Variants in RYR3 observed in about 807,000 individuals in gnomAD.
RYR3 encodes the protein brain ryanodine receptor-calcium release channel.
RYR3 carries 207 observed loss-of-function variants against 584.3 expected under a neutral mutation model. The observed-to-expected ratio is 0.35, with a 90% CI of 0.32 to 0.40. The LOEUF (loss-of-function observed/expected upper bound fraction) is 0.40. Ranked by LOEUF, RYR3 falls within the 10% of genes least tolerant of loss-of-function variation. RYR3 has a pLI of 1.00. For synonymous variants in RYR3, 2,416 were observed against 2,248.5 expected (o/e 1.07, Z -2.11); for missense variants, 5,616 against 6,089.2 (o/e 0.92, Z 2.59).
chr15:33,783,818 T>C (rs2074539521), intron 65 of RYR3, among the ~76,000 whole-genome samples: 1 of 152,208 alleles, frequency 6.6e-6, no homozygotes, highest in Non-Finnish European at 1.5e-5. Context: ...TTGTTACCCA[T>C]GGCCATTGTT....
intron 5 of RYR3, among the ~76,000 whole-genome samples, chr15:33,533,755 G>A (rs566948857): frequency 6.6e-6 from 1 of 152,254 alleles, no homozygotes; most frequent in South Asian, 2.1e-4. Context: ...GAAATATAGT[G>A]TCTAGATCAA....
intron 19 of RYR3, among the ~76,000 whole-genome samples, chr15:33,619,647 T>C (rs2060617203): frequency 6.6e-6 from 1 of 152,224 alleles, no homozygotes; most frequent in African/African-American, 2.4e-5. Flanking sequence ...GAAAGTTCTA[T>C]CTATTTGAAT....
chr15:33,623,555 A>C (rs2060834128), intron 19 of RYR3, among the ~76,000 whole-genome samples: 1 of 152,182 alleles, frequency 6.6e-6, no homozygotes, highest in African/African-American at 2.4e-5. Context: ...CTAAAAACCT[A>C]GTGGTTTATG....
chr15:33,700,905 C>T (rs151063947), intron 41 of RYR3, 72 bp from the exon 42 acceptor site: 10,842 of 1,055,220 alleles, frequency 0.01, 69 homozygotes, highest in Non-Finnish European at 0.014. Context: ...CGCTTACGTG[C>T]ACTGCAGTCT....
Position 33,363,861 on chromosome 15 carries a change from T to G in RYR3, c.51+52765T>G, listed in dbSNP as rs368858581. On this transcript the variant is annotated intron_variant, in intron 1 of 103. Transcript: ENST00000634891. The stretch of plus-strand genomic sequence containing the variant: ...CAATGGAGGAATGGAATTTAAAATT[T>G]TATTTAATTTTAATTAATTTAAATT... Among the ~76,000 whole-genome samples, 57 of 152,266 alleles carry G rather than the reference T, an allele frequency of 3.7e-4. 1 individual carries two copies. The East Asian group carries it at 0.011, about 29-fold the overall frequency.
chr15:33,387,874 T>C (rs769362866), intron 1 of RYR3, among the ~76,000 whole-genome samples: 2 of 151,692 alleles, frequency 1.3e-5, no homozygotes, highest in Non-Finnish European at 2.9e-5. Flanking sequence ...TGATGGAGAA[T>C]GTGAGAGAAA....
At chr15:33,407,090 C>T (rs1179795577) in intron 1 of RYR3, among the ~76,000 whole-genome samples, 1 of 152,194 alleles carries the variant, frequency 6.6e-6, no homozygotes, top group African/African-American at 2.4e-5. Flanking sequence ...TGTGTCTACA[C>T]GTGGTGGAAG....
intron 30 of RYR3, among the ~76,000 whole-genome samples, chr15:33,648,106 G>T (rs554060168): frequency 6.6e-6 from 1 of 151,992 alleles, no homozygotes; most frequent in South Asian, 2.1e-4. Flanking sequence ...TCTTGCTGCA[G>T]TAAATCACTC....
rs1314122184 is a variant in RYR3 at position 33,624,012 on chromosome 15, G to C, written c.2563G>C (p.Asp855His). ...SQASFIPCPV[D>H]TSQVILPPHL... Reference sequence around the variant, plus strand: ...AGCCTCTTTCATCCCATGCCCCGTAGACACCAGTCAGGTAGGTTCAAATTG... The same window carrying C: ...AGCCTCTTTCATCCCATGCCCCGTACACACCAGTCAGGTAGGTTCAAATTG... The change falls in exon 20 of 104, where the codon GAC becomes CAC. Residue 855 changes from aspartate (D) to histidine (H), a missense_variant. Physicochemically the swap from Asp to His is moderately conservative, Grantham distance 81 (BLOSUM62 -1). Around this residue, in one of 9 missense-constraint regions of RYR3, gnomAD observed 1,284 missense variants for 1,344.6 expected, o/e 0.95. Transcript: ENST00000634891. The C allele has an allele frequency of 1.9e-6, 3 of 1,613,478 alleles. No homozygotes were observed. Among genetic ancestry groups the C allele is most frequent in the African/African-American group, 2.7e-5 (2 of 74,918 alleles).
Position 33,669,896 on chromosome 15 carries a change from T to TGTGTGG in RYR3, c.5722+445_5722+446insGGTGTG, listed in dbSNP as rs2063740351. 3.6e-5 allele frequency among the ~76,000 whole-genome samples: 5 copies of TGTGTGG among 138,614 alleles called. No individual in the cohort carries two copies. The South Asian group carries it at 1.2e-3, about 32-fold the overall frequency. 90.9% of individuals were successfully genotyped at this position (138,614 alleles called of 152,430 possible). A position where few individuals can be genotyped will look rare whatever the true frequency, so the allele number is the denominator to read the frequency against. On this transcript the variant is annotated intron_variant, in intron 37 of 103. Coordinates refer to ENST00000634891, the MANE Select transcript of RYR3 (RefSeq NM_001036.6). ...GGTGTGTGTGGTGTGTGTGTGTGTG[T>TGTGTGG]GTGTGTGTTTAGTAACTTCTGCCCT...
At chr15:33,722,361 C>T (rs531055752) in intron 43 of RYR3, 1 of 259,230 alleles carries the variant, frequency 3.9e-6, no homozygotes, top group East Asian at 1.2e-4. Flanking sequence ...AGTACAAAAT[C>T]CTGAGCCGAA....
At chr15:33,668,778 A>G (rs2063640284) in intron 36 of RYR3, among the ~76,000 whole-genome samples, 1 of 152,178 alleles carries the variant, frequency 6.6e-6, no homozygotes, top group South Asian at 2.1e-4. Context: ...CTGTTCCTCT[A>G]GTCATTTTGC....
chr15:33,669,228 CAAAA>C, intron 36 of RYR3, 122 bp from the exon 37 acceptor site: 1 of 514,274 alleles, frequency 1.9e-6, no homozygotes. Flanking sequence ...CCACTTTTAC[CAAAA>C]AAAAAAAAAT....
At chr15:33,816,822 A>G in intron 74 of RYR3, 40 bp from the exon 75 acceptor site, 2 of 1,343,092 alleles carry the variant, frequency 1.5e-6, no homozygotes, top group South Asian at 1.2e-5. Flanking sequence ...AACAAGTTCC[A>G]TGGATCCCTC....
intron 12 of RYR3, among the ~76,000 whole-genome samples, chr15:33,575,768 G>A (rs2058266845): frequency 6.6e-6 from 1 of 151,268 alleles, no homozygotes; most frequent in Non-Finnish European, 1.5e-5. Context: ...CAAGATCAGG[G>A]CAGAACTAAA....
chr15:33,327,860 A>G (rs1374157355), intron 1 of RYR3, among the ~76,000 whole-genome samples: 1 of 152,212 alleles, frequency 6.6e-6, no homozygotes, highest in Non-Finnish European at 1.5e-5. Context: ...TGATTAGACT[A>G]GATATTCTGC....
In RYR3 at chr15:33,825,857, C is replaced by T. The variant is rs963695683; in HGVS notation, c.11146+181C>T. The stretch of plus-strand genomic sequence containing the variant: ...AAGCACTTCTCCTGCCTCATCCTCC[C>T]GAGTAGATGGGATTACAGGCTCCCA... On this transcript the variant is annotated intron_variant, in intron 82 of 103. Coordinates refer to ENST00000634891, the MANE Select transcript of RYR3 (RefSeq NM_001036.6). The T allele has an allele frequency of 2.2e-5, 12 of 538,780 alleles. No homozygotes were observed. The Middle Eastern group carries it at 1.5e-3, about 68-fold the overall frequency. The allele number at this position is 538,780 out of a possible 1,614,324, so 33.4% of individuals were successfully genotyped here.
intron 16 of RYR3, 132 bp from the exon 17 acceptor site, chr15:33,601,287 G>A: frequency 1.2e-6 from 1 of 820,656 alleles, no homozygotes; most frequent in Non-Finnish European, 1.9e-6. Flanking sequence ...AAGCTTCCTT[G>A]GCTCTGAGCT....
At chr15:33,441,625 T>G (rs1310293587) in intron 1 of RYR3, among the ~76,000 whole-genome samples, 1 of 152,178 alleles carries the variant, frequency 6.6e-6, no homozygotes, top group Non-Finnish European at 1.5e-5. Flanking sequence ...TTCAGGTGCT[T>G]TCTCAAAACT....
Sources: gnomAD v4.1 joint callset for allele counts (sites outside exome capture counted in the v4.1 genomes callset) on GRCh38, gnomAD v4.1.1 for gene constraint, gnomAD v4.1.1 regional missense constraint, MANE v1.5 for transcripts, NCBI Gene and HGNC (gene_info 2026-07-23, HGNC 2026-07-21) for gene names.